The following ST3GAL2 variants were observed in gnomAD, a reference collection of about 807,000 sequenced individuals.
ST3GAL2 encodes the protein ST3 beta-galactoside alpha-2,3-sialyltransferase 2.
In ST3GAL2, 16 loss-of-function variants were observed where a neutral mutation model predicts 37.5. The observed-to-expected ratio is 0.43, with a 90% CI of 0.29 to 0.65. The LOEUF is 0.65. Ranked by LOEUF, ST3GAL2 falls within the 30% of genes least tolerant of loss-of-function variation. The pLI is 0.17. For synonymous variants in ST3GAL2, 238 were observed against 202.9 expected (o/e 1.17, Z -1.47); for missense variants, 383 against 487.8 (o/e 0.79, Z 2.02).
chr16:70,433,869 G>C (rs1157595205), intron 1 of ST3GAL2, among the ~76,000 whole-genome samples: 8 of 152,188 alleles, frequency 5.3e-5, no homozygotes, highest in Non-Finnish European at 2.9e-5. Context: ...CTAGAAAAAA[G>C]GGACAACTCC....
At chr16:70,389,788 T>G (rs1262195430) in intron 3 of ST3GAL2, among the ~76,000 whole-genome samples, 1 of 148,192 alleles carries the variant, frequency 6.7e-6, no homozygotes, top group Non-Finnish European at 1.5e-5. Flanking sequence ...GGTTTTTTGT[T>G]TGTTTGTTTG....
chr16:70,415,552 A>G (rs890230180), intron 1 of ST3GAL2, among the ~76,000 whole-genome samples: 16 of 151,940 alleles, frequency 1.1e-4, no homozygotes, highest in Non-Finnish European at 1.0e-4. Context: ...CCCGGGTTCA[A>G]GCGATTCTCC....
At position 70,381,657 on chromosome 16, in the gene ST3GAL2, G is replaced by A; in HGVS notation, c.*32C>T. ...CGGGCCGGAGCCCCGGTGCCCGATA[G>A]ATGGGCCGGAAGGGTCGCGGCGAGG... On this transcript the variant is annotated 3_prime_UTR_variant, in exon 7 of 7. Coordinates refer to ENST00000342907, the MANE Select transcript of ST3GAL2 (RefSeq NM_006927.4). 1 of 1,606,218 alleles carries A rather than the reference G, an allele frequency of 6.2e-7. No individual in the cohort carries two copies. Among genetic ancestry groups the A allele is most frequent in the South Asian group, 1.1e-5 (1 of 90,758 alleles).
chr16:70,417,024 G>A (rs1254781381), intron 1 of ST3GAL2, among the ~76,000 whole-genome samples: 3 of 152,214 alleles, frequency 2.0e-5, no homozygotes, highest in South Asian at 2.1e-4. Context: ...AAAGTGCGTA[G>A]AAAAACTTGG....
intron 1 of ST3GAL2, among the ~76,000 whole-genome samples, chr16:70,431,829 T>C (rs959518318): frequency 6.6e-6 from 1 of 151,864 alleles, no homozygotes; most frequent in Admixed American, 6.6e-5. Context: ...CCAGGCGTGG[T>C]GGCGGGTGCC....
chr16:70,386,035 TG>T (rs1446777293), intron 4 of ST3GAL2, among the ~76,000 whole-genome samples: 2 of 152,040 alleles, frequency 1.3e-5, no homozygotes, highest in Admixed American at 1.3e-4. Context: ...TGTTTTGTTT[TG>T]TTTTTTTGAG....
In ST3GAL2 at chr16:70,395,304, G is replaced by A. The variant is rs549249658; in HGVS notation, c.340-129C>T. ...CACAGGCCTCTTTATCCAGGGCTCT[G>A]CCAGGGAACAGGGGTTCTTTCCTCT... On this transcript the variant is annotated intron_variant, in intron 2 of 6. Coordinates refer to ENST00000342907, the MANE Select transcript of ST3GAL2 (RefSeq NM_006927.4). 6 of 855,778 alleles carry A rather than the reference G, an allele frequency of 7.0e-6. No individual in the cohort carries two copies. In the African/African-American group the frequency reaches 8.7e-5, roughly 12 times the overall value. 53.0% of individuals were successfully genotyped at this position (855,778 alleles called of 1,614,324 possible).
At chr16:70,434,580 CT>C (rs2047813089) in intron 1 of ST3GAL2, among the ~76,000 whole-genome samples, 1 of 152,142 alleles carries the variant, frequency 6.6e-6, no homozygotes, top group Non-Finnish European at 1.5e-5. Context: ...GATCCTCCTG[CT>C]GTCTGTTTGG....
chr16:70,396,291 T>G lies in ST3GAL2; in HGVS notation c.340-1116A>C, dbSNP rs376556969. On this transcript the variant is annotated intron_variant, in intron 2 of 6. Transcript: ENST00000342907. Reference sequence around the variant, plus strand: ...CTTTTACTCAAAGTGCTGGAATTATTTTTACTCAAAAAAAAAAAAAAAAAC... The same window carrying G: ...CTTTTACTCAAAGTGCTGGAATTATGTTTACTCAAAAAAAAAAAAAAAAAC... 1.6e-3 allele frequency among the ~76,000 whole-genome samples: 190 copies of G among 115,238 alleles called. 1 individual carries two copies. The highest frequency in any genetic ancestry group is 5.3e-3 in the African/African-American group (172 of 32,484). 75.6% of individuals were successfully genotyped at this position (115,238 alleles called of 152,430 possible).
intron 1 of ST3GAL2, among the ~76,000 whole-genome samples, chr16:70,408,715 C>T (rs538337694): frequency 9.2e-5 from 14 of 151,670 alleles, no homozygotes; most frequent in African/African-American, 2.7e-4. Context: ...CTCTTGATGC[C>T]GCCCAGAGTT....
chr16:70,437,915 G>A (rs1461229313), intron 1 of ST3GAL2, among the ~76,000 whole-genome samples: 2 of 152,270 alleles, frequency 1.3e-5, no homozygotes, highest in African/African-American at 2.4e-5. Flanking sequence ...GTCCCAGAGT[G>A]CCCTGTACTC....
chr16:70,396,115 G>A (rs2047514546), intron 2 of ST3GAL2, among the ~76,000 whole-genome samples: 1 of 151,914 alleles, frequency 6.6e-6, no homozygotes, highest in Non-Finnish European at 1.5e-5. Flanking sequence ...GCAATTACAG[G>A]CATGCTTCAC....
At chr16:70,438,107 C>T (rs983195508) in intron 1 of ST3GAL2, among the ~76,000 whole-genome samples, 3 of 152,184 alleles carry the variant, frequency 2.0e-5, no homozygotes, top group African/African-American at 4.8e-5. Flanking sequence ...GAAAGGCTAA[C>T]TTGAGCAAGC....
rs2151664054 is a variant in ST3GAL2, at chr16:70,398,733, T to C, written c.-203A>G. The C allele has an allele frequency of 1.6e-6, 1 of 612,450 alleles. No individual in the cohort carries two copies. The highest frequency in any genetic ancestry group is 2.8e-5 in the East Asian group (1 of 36,172). 37.9% of individuals were successfully genotyped at this position (612,450 alleles called of 1,614,324 possible). On this transcript the variant is annotated 5_prime_UTR_variant, in exon 2 of 7. Transcript: ENST00000342907. ...CACGTTGGCAGGAGTGGCTGTCCTG[T>C]CCCTGAGTCAGGCGGGGCCCCTGCT...
intron 1 of ST3GAL2, among the ~76,000 whole-genome samples, chr16:70,427,377 C>T (rs1275562569): frequency 7.5e-5 from 11 of 146,902 alleles, no homozygotes; most frequent in Non-Finnish European, 1.5e-4. Context: ...CTCACTCTGT[C>T]GCCCAGGCTG....
chr16:70,411,537 G>C (rs1005465977), intron 1 of ST3GAL2, among the ~76,000 whole-genome samples: 1 of 152,056 alleles, frequency 6.6e-6, no homozygotes, highest in South Asian at 2.1e-4. Flanking sequence ...TTGCACCCTC[G>C]TATGGCAGAG....
Position 70,381,660 on chromosome 16 carries a change from G to T in ST3GAL2, c.*29C>A. On this transcript the variant is annotated 3_prime_UTR_variant, in exon 7 of 7. Coordinates refer to ENST00000342907, the MANE Select transcript of ST3GAL2 (RefSeq NM_006927.4). ...GCCGGAGCCCCGGTGCCCGATAGAT[G>T]GGCCGGAAGGGTCGCGGCGAGGCCC... 3 of 1,606,666 alleles carry T rather than the reference G, an allele frequency of 1.9e-6. No individual in the cohort carries two copies. The highest frequency in any genetic ancestry group is 1.1e-5 in the South Asian group (1 of 90,816).
chr16:70,381,993 A>G, intron 6 of ST3GAL2, 131 bp from the exon 7 acceptor site: 1 of 1,134,210 alleles, frequency 8.8e-7, no homozygotes, highest in Non-Finnish European at 1.3e-6. Flanking sequence ...GGCCTGGCCT[A>G]AGGACATGGA....
Position 70,414,704 on chromosome 16 carries a change from ACTCT to A in ST3GAL2, c.-1003-15175_-1003-15172del, listed in dbSNP as rs568136575. 2.2e-4 allele frequency among the ~76,000 whole-genome samples: 34 copies of A among 152,052 alleles called. No individual in the cohort carries two copies. The South Asian group carries it at 5.6e-3, about 25-fold the overall frequency. On this transcript the variant is annotated intron_variant, in intron 1 of 6. Transcript: ENST00000342907. ...TTGTTTATTTTTGAGATAGAGTCTCACTCTGTCATCCAGGCTGTAGTGCGGTAGT... is the reference window on the plus strand; with the variant it reads ...TTGTTTATTTTTGAGATAGAGTCTCAGTCATCCAGGCTGTAGTGCGGTAGT...
Sources: allele counts gnomAD v4.1 joint callset (sites outside exome capture counted in the v4.1 genomes callset), GRCh38; gene constraint gnomAD v4.1.1; transcripts MANE v1.5; gene names NCBI Gene and HGNC (gene_info 2026-07-23, HGNC 2026-07-21).